GLYR1: variants seen among roughly 807,000 people sequenced by gnomAD.
GLYR1 encodes glyoxylate reductase 1 homolog.
A neutral mutation model predicts 72.7 loss-of-function variants in GLYR1; 21 were observed. The observed-to-expected ratio is 0.29, with a 90% CI of 0.20 to 0.42. The LOEUF (loss-of-function observed/expected upper bound fraction) is 0.42, where lower values mean the gene tolerates loss of function less well. GLYR1 is among the 10% of genes least tolerant of loss of function. GLYR1 has a pLI of 1.00. For synonymous variants in GLYR1, 392 were observed against 270.2 expected, an observed-to-expected ratio of 1.45 and a Z score of -4.42; for missense variants, 594 against 712.1, an observed-to-expected ratio of 0.83 and a Z score of 1.89.
At chr16:4,825,349 C>A (rs1381918134) in intron 5 of GLYR1, among the ~76,000 whole-genome samples, 3 of 152,188 alleles carry the variant, frequency 2.0e-5, no homozygotes, top group Non-Finnish European at 4.4e-5. Context: ...CTGGCTTTCC[C>A]CCCCGCACCA....
At chr16:4,833,071 A>G in intron 3 of GLYR1, 159 bp from the exon 4 acceptor site, 1 of 548,024 alleles carries the variant, frequency 1.8e-6, no homozygotes, top group Non-Finnish European at 3.0e-6. Flanking sequence ...ACCATCTCAG[A>G]GTCTTATGTC....
rs561097758 is a variant in GLYR1, at chr16:4,831,805, G to C, written c.537+174C>G. Among the ~76,000 whole-genome samples, 30 of 152,302 alleles carry C rather than the reference G, an allele frequency of 2.0e-4. No individual in the cohort carries two copies. The East Asian group carries it at 5.8e-3, about 29-fold the overall frequency. On this transcript the variant is annotated intron_variant, in intron 5 of 15. Transcript: ENST00000321919. Reference sequence around the variant, plus strand: ...CCTGACTCAGCCTCCTGAGTTGCTGGGATAAAGCATGAGCCACCGCACCTG... The same window carrying C: ...CCTGACTCAGCCTCCTGAGTTGCTGCGATAAAGCATGAGCCACCGCACCTG...
intron 3 of GLYR1, chr16:4,843,872 G>GA: frequency 5.1e-6 from 1 of 197,488 alleles, no homozygotes; most frequent in Admixed American, 5.8e-5. Flanking sequence ...GAGGGGGTTG[G>GA]GGGGGGGAGG....
intron 3 of GLYR1, among the ~76,000 whole-genome samples, chr16:4,834,806 G>C (rs1164089668): frequency 6.6e-6 from 1 of 152,120 alleles, no homozygotes; most frequent in Non-Finnish European, 1.5e-5. Context: ...TTCAACATGA[G>C]AGCGCCAATG....
intron 9 of GLYR1, among the ~76,000 whole-genome samples, chr16:4,819,603 G>A (rs1033364038): frequency 6.6e-6 from 1 of 152,128 alleles, no homozygotes; most frequent in Non-Finnish European, 1.5e-5. Flanking sequence ...GAGCTACTGC[G>A]CTTGGCCATG....
intron 7 of GLYR1, 51 bp from the exon 8 acceptor site, chr16:4,821,648 G>C (rs1365804956): frequency 2.0e-6 from 3 of 1,532,218 alleles, no homozygotes; most frequent in Admixed American, 3.3e-5. Context: ...GGCTTAACCA[G>C]TCTTCATAAT....
In GLYR1 at chr16:4,832,197, C is replaced by G. The variant is rs758327884; in HGVS notation, c.319G>C (p.Asp107His). The G allele has an allele frequency of 6.2e-7, 1 of 1,614,088 alleles. No homozygotes were observed. Among genetic ancestry groups the G allele is most frequent in the South Asian group, 1.1e-5 (1 of 91,044 alleles). The change falls in exon 5 of 16, where the codon GAC becomes CAC. Residue 107 changes from aspartate to histidine, a missense_variant. Transcript: ENST00000321919. The part of the protein sequence containing the change: ...DQTSSHNSSD[D>H]KNRRNSSEER... ...TCACTGGAATTACGTCGATTCTTGT[C>G]ATCAGAAGAATTGTGGGATGACGTC...
chr16:4,806,038 A>T (rs930640334), intron 15 of GLYR1, among the ~76,000 whole-genome samples: 2 of 152,172 alleles, frequency 1.3e-5, no homozygotes, highest in South Asian at 2.1e-4. Context: ...TAAAAAATAA[A>T]ACAAGGGCAG....
intron 1 of GLYR1, chr16:4,846,646 G>T: frequency 4.0e-6 from 1 of 251,918 alleles, no homozygotes; most frequent in Admixed American, 4.9e-5. Flanking sequence ...TGGTTCGGGC[G>T]GTTGTCTGGG....
chr16:4,829,484 T>G (rs1272425443), intron 5 of GLYR1, among the ~76,000 whole-genome samples: 2 of 151,766 alleles, frequency 1.3e-5, no homozygotes, highest in African/African-American at 2.4e-5. Context: ...ACTTTTTGTT[T>G]CTTTTTTTGT....
intron 9 of GLYR1, chr16:4,817,906 T>A (rs2083751149): frequency 3.7e-6 from 2 of 539,226 alleles, no homozygotes; most frequent in Admixed American, 6.5e-5. Context: ...TGTCCCAGGA[T>A]GTAAACAGGC....
intron 3 of GLYR1, chr16:4,844,041 G>C (rs540505460): frequency 6.6e-6 from 1 of 152,486 alleles, no homozygotes; most frequent in East Asian, 1.9e-4. Flanking sequence ...TTGTACCCGA[G>C]AGGTGGAGGT....
At position 4,841,538 on chromosome 16, in the gene GLYR1, G is replaced by A. The variant is rs148007864; in HGVS notation, c.155+3536C>T. ...CACACAACTGTGGTCCCAGCTACTC[G>A]GACTGCTGAGGTGGGAGGATTACCT... On this transcript the variant is annotated intron_variant, in intron 3 of 15. Transcript: ENST00000321919. Among the ~76,000 whole-genome samples, 44 of 149,124 alleles carry A rather than the reference G, an allele frequency of 3.0e-4. No individual in the cohort carries two copies. The East Asian group carries it at 7.5e-3, about 25-fold the overall frequency.
chr16:4,833,888 T>C (rs916663754), intron 3 of GLYR1, among the ~76,000 whole-genome samples: 3 of 152,196 alleles, frequency 2.0e-5, no homozygotes, highest in East Asian at 1.9e-4. Context: ...TTTTATAGGC[T>C]TTACAAGGTA....
At chr16:4,829,940 T>G (rs2084678882) in intron 5 of GLYR1, among the ~76,000 whole-genome samples, 1 of 152,138 alleles carries the variant, frequency 6.6e-6, no homozygotes, top group South Asian at 2.1e-4. Flanking sequence ...CCCAAAGTGC[T>G]GGGATTACAG....
In GLYR1 at chr16:4,817,676, A is replaced by C. The variant is rs758725451; in HGVS notation, c.828T>G (p.Gly276=). ...TGGAGACGATTCCACTTCCCATGAG[A>C]CCAAGGCCCAAAAATCCTATCCTGA... The part of the protein sequence containing the change: ...TDKKIGFLGL[G]LMGSGIVSNL... The change falls in exon 10 of 16, where the codon GGT becomes GGG. Residue 276 remains glycine (G), a synonymous_variant. Transcript: ENST00000321919. 27 of 1,612,330 alleles carry C rather than the reference A, an allele frequency of 1.7e-5. 1 individual carries two copies.
intron 7 of GLYR1, 22 bp from the exon 8 acceptor site, chr16:4,821,619 G>T (rs201388300): frequency 8.7e-6 from 14 of 1,611,042 alleles, no homozygotes; most frequent in Non-Finnish European, 1.2e-5. Context: ...GGAGGAAAGA[G>T]ACTACTTGTG....
intron 3 of GLYR1, among the ~76,000 whole-genome samples, chr16:4,833,984 C>T (rs1329528476): frequency 1.3e-5 from 2 of 152,208 alleles, no homozygotes; most frequent in Non-Finnish European, 2.9e-5. Context: ...GATACAGAAA[C>T]CCAGCTATCT....
At chr16:4,829,798 G>A (rs1342477190) in intron 5 of GLYR1, among the ~76,000 whole-genome samples, 11 of 152,054 alleles carry the variant, frequency 7.2e-5, no homozygotes, top group South Asian at 4.2e-4. Flanking sequence ...TCATCCTCCC[G>A]AGTAGTTGGA....
Sources: gnomAD v4.1 joint callset for allele counts (sites outside exome capture counted in the v4.1 genomes callset) on GRCh38, gnomAD v4.1.1 for gene constraint, MANE v1.5 for transcripts, NCBI Gene and HGNC (gene_info 2026-07-23, HGNC 2026-07-21) for gene names.